The following BCORL1 variants were observed in gnomAD, a reference collection of about 807,000 sequenced individuals.
BCORL1 encodes the protein BCL6 corepressor like 1.
In BCORL1, 7 loss-of-function variants were observed where a neutral mutation model predicts 87.6. That is an observed-to-expected ratio of 0.08 (90% CI 0.05 to 0.15). BCORL1 has a LOEUF of 0.15. Among genes scored for constraint, BCORL1 ranks in the 10% least tolerant of loss-of-function variants. BCORL1 has a pLI of 1.00. For missense variants in BCORL1, 1,215 were observed against 1,499.7 expected (o/e 0.81, Z 3.13); for synonymous variants, 591 against 634.4 (o/e 0.93, Z 1.03).
chrX:130,028,262 C>T (rs1930363522), intron 7 of BCORL1, among the ~76,000 whole-genome samples: 1 of 111,176 alleles, frequency 9.0e-6, no homozygotes, highest in South Asian at 3.8e-4. Context: ...TGCTTTCATA[C>T]GGGACTGGAG....
intron 1 of BCORL1, among the ~76,000 whole-genome samples, chrX:130,004,456 G>T (rs192546962): frequency 1.8e-5 from 2 of 110,774 alleles, no homozygotes; most frequent in Non-Finnish European, 3.8e-5. Context: ...TGTTGTCCAG[G>T]CTGGTCTCGA....
intron 11 of BCORL1, among the ~76,000 whole-genome samples, chrX:130,047,435 T>A (rs1426776536): frequency 8.9e-6 from 1 of 112,434 alleles, no homozygotes; most frequent in African/African-American, 3.2e-5. Context: ...GCTCCTCCTG[T>A]GTGCCACTCA....
chrX:129,996,480 G>A (rs1411200173), intron 1 of BCORL1, among the ~76,000 whole-genome samples: 2 of 111,419 alleles, frequency 1.8e-5, no homozygotes, highest in African/African-American at 3.3e-5. Flanking sequence ...GAATAAATGG[G>A]TAGGTTTCAT....
At chrX:130,042,653 A>G (rs1043712466) in intron 11 of BCORL1, among the ~76,000 whole-genome samples, 6 of 111,460 alleles carry the variant, frequency 5.4e-5, no homozygotes, top group Non-Finnish European at 1.1e-4. Context: ...TTGAGGTAAA[A>G]TTTACCTAAC....
Position 130,013,991 on chromosome X carries a change from ACCT to A in BCORL1, c.1221_1223del (p.Ser408del). 8.4e-7 allele frequency: 1 copy of A among 1,197,109 alleles called. No homozygotes were observed. Among genetic ancestry groups the A allele is most frequent in the Non-Finnish European group, 1.1e-6 (1 of 890,785 alleles). Reference sequence around the variant, plus strand: ...TGCTGCCACGCCAGCTGCCATTCCCACCTCTGCACCCATCCCGGCCTCCTTCAG... The same window carrying A: ...TGCTGCCACGCCAGCTGCCATTCCCACTGCACCCATCCCGGCCTCCTTCAG... On this transcript the variant is annotated inframe_deletion, in exon 4 of 14. Coordinates refer to ENST00000540052, the MANE Select transcript of BCORL1 (RefSeq NM_001379451.1).
chrX:130,013,749 C>T lies in BCORL1; in HGVS notation c.977C>T (p.Pro326Leu), dbSNP rs754007032. The T allele has an allele frequency of 1.7e-6, 2 of 1,190,899 alleles. No individual in the cohort carries two copies. Among genetic ancestry groups the T allele is most frequent in the Non-Finnish European group, 2.3e-6 (2 of 885,385 alleles). ...LIQAPVPPSA[P>L]TLVLAPVPTP... The stretch of plus-strand genomic sequence containing the variant: ...CAGGCTCCTGTGCCCCCTTCAGCTC[C>T]GACCTTGGTTCTCGCTCCCGTCCCC... The change falls in exon 4 of 14, where the codon CCG becomes CTG. Residue 326 changes from proline (P) to leucine (L), a missense_variant. Around this residue, in one of 5 missense-constraint regions of BCORL1, gnomAD observed 861 missense variants for 1,010.0 expected, o/e 0.85. Transcript: ENST00000540052.
At chrX:130,005,062 A>G (rs910666053) in intron 1 of BCORL1, 126 bp from the exon 2 acceptor site, 6 of 420,856 alleles carry the variant, frequency 1.4e-5, no homozygotes, top group Admixed American at 8.0e-5. Context: ...TTAATTTTCC[A>G]TAGCAGGCTG....
intron 2 of BCORL1, among the ~76,000 whole-genome samples, chrX:130,011,906 G>A (rs1459553170): frequency 9.0e-6 from 1 of 110,884 alleles, no homozygotes; most frequent in African/African-American, 3.3e-5. Flanking sequence ...TAGAAAAAAG[G>A]GGGCAGTGTC....
rs142458050 is a variant in BCORL1 at position 130,039,262 on chromosome X, C to A, written c.4820C>A (p.Thr1607Asn). 5.0e-6 allele frequency: 6 copies of A among 1,208,580 alleles called. No homozygotes were observed. The highest frequency in any genetic ancestry group is 5.6e-6 in the Non-Finnish European group (5 of 895,186). Residue 1607 changes from threonine (T) to asparagine (N), a missense_variant, in exon 11 of 14, where the codon ACC becomes AAC. By Grantham distance (65) the Thr-to-Asn change is moderately conservative. Around this residue, in one of 5 missense-constraint regions of BCORL1, gnomAD observed 129 missense variants for 157.5 expected, o/e 0.82. Coordinates refer to ENST00000540052, the MANE Select transcript of BCORL1 (RefSeq NM_001379451.1). The part of the protein sequence containing the change: ...QTAMKLASSD[T>N]MKRFLSDHLS... The stretch of plus-strand genomic sequence containing the variant: ...GCCATGAAGCTGGCCAGCAGCGACA[C>A]CATGAAGCGCTTTCTCAGTGGTAAG...
intron 12 of BCORL1, among the ~76,000 whole-genome samples, chrX:130,051,097 A>G (rs952446755): frequency 2.7e-5 from 3 of 112,090 alleles, no homozygotes; most frequent in South Asian, 7.4e-4. Flanking sequence ...AGAAGCCTCT[A>G]TGAGCACTGT....
intron 1 of BCORL1, among the ~76,000 whole-genome samples, chrX:129,984,614 G>T (rs1926451801): frequency 1.8e-5 from 2 of 111,412 alleles, no homozygotes; most frequent in African/African-American, 6.5e-5. Flanking sequence ...GGCTGGGCCA[G>T]AGGGACGTCC....
At chrX:130,000,686 A>G (rs991919416) in intron 1 of BCORL1, among the ~76,000 whole-genome samples, 1 of 112,377 alleles carries the variant, frequency 8.9e-6, no homozygotes, top group Admixed American at 9.5e-5. Flanking sequence ...TAGTTTTTCT[A>G]CAGTGGGGAG....
At chrX:129,982,221 C>T (rs1399084365), upstream of BCORL1, among the ~76,000 whole-genome samples, 1 of 111,195 alleles carries the variant, frequency 9.0e-6, no homozygotes, top group African/African-American at 3.3e-5. Flanking sequence ...ACGTGGGGCT[C>T]CTGCAGCCCC....
chrX:129,985,860 CT>C (rs1368966038), intron 1 of BCORL1, among the ~76,000 whole-genome samples: 134 of 102,161 alleles, frequency 1.3e-3, no homozygotes, highest in Admixed American at 1.6e-3. Flanking sequence ...CTTTTCTTTT[CT>C]TTTTTTTTTT....
intron 1 of BCORL1, among the ~76,000 whole-genome samples, chrX:130,002,743 AAAT>A (rs946341585): frequency 2.8e-5 from 3 of 105,807 alleles, no homozygotes; most frequent in African/African-American, 1.0e-4. Flanking sequence ...ACAGCTGGGA[AAAT>A]AATAGGGGAG....
chrX:130,039,365 C>T (rs893652603), intron 11 of BCORL1, 83 bp downstream of exon 11: 49 of 1,112,208 alleles, frequency 4.4e-5, no homozygotes, highest in Non-Finnish European at 5.6e-5. Context: ...TCTTCATCTC[C>T]TTCCACCTTG....
At chrX:130,003,352 C>T (rs868280873) in intron 1 of BCORL1, among the ~76,000 whole-genome samples, 28 of 103,958 alleles carry the variant, frequency 2.7e-4, no homozygotes, top group Middle Eastern at 9.8e-3. Context: ...TCCTCCTCCT[C>T]CTTCTTCTTC....
rs981493310 is a variant in BCORL1 at position 130,028,999 on chromosome X, G to A, written c.4305+138G>A. 6 of 521,687 alleles carry A rather than the reference G, an allele frequency of 1.2e-5. No individual in the cohort carries two copies. In the African/African-American group the frequency reaches 1.4e-4, roughly 13 times the overall value. 43.0% of individuals were successfully genotyped at this position (521,687 alleles called of 1,213,427 possible). A position where few individuals can be genotyped will look rare whatever the true frequency, so the allele number is the denominator to read the frequency against. On this transcript the variant is annotated intron_variant, in intron 8 of 13. Coordinates refer to ENST00000540052, the MANE Select transcript of BCORL1 (RefSeq NM_001379451.1). Reference sequence around the variant, plus strand: ...TCTCAAACTAGTTCTCGAAGGGTTGGGGGTGGATTTGAAGAATGGGAACTA... The same window carrying A: ...TCTCAAACTAGTTCTCGAAGGGTTGAGGGTGGATTTGAAGAATGGGAACTA...
chrX:130,000,178 T>TTG (rs1927934919), intron 1 of BCORL1, among the ~76,000 whole-genome samples: 3 of 110,378 alleles, frequency 2.7e-5, no homozygotes, highest in Non-Finnish European at 5.7e-5. Context: ...CCCAAGTAGC[T>TTG]GGGAATACAG....
Sources: gnomAD v4.1 joint callset for allele counts (sites outside exome capture counted in the v4.1 genomes callset) on GRCh38, gnomAD v4.1.1 for gene constraint, gnomAD v4.1.1 regional missense constraint, MANE v1.5 for transcripts, NCBI Gene and HGNC (gene_info 2026-07-23, HGNC 2026-07-21) for gene names.